The following OR51L1 variants were observed in gnomAD, a reference collection of about 807,000 sequenced individuals.
OR51L1 encodes the protein olfactory receptor 51L1.
OR51L1 carries 1 observed loss-of-function variant against 1.4 expected under a neutral mutation model. That is an observed-to-expected ratio of 0.72 (90% confidence interval 0.26 to 3.42). The LOEUF (loss-of-function observed/expected upper bound fraction) is 3.42. Ranked by LOEUF, OR51L1 falls within the 30% of genes most tolerant of loss-of-function variation. The pLI is 0.20. For synonymous variants in OR51L1, 156 were observed against 144.2 expected, an observed-to-expected ratio of 1.08 and a Z score of -0.59; for missense variants, 378 against 380.0, an observed-to-expected ratio of 0.99 and a Z score of 0.04.
In OR51L1 at chr11:5,004,564, G is replaced by A. The variant is rs952799811; in HGVS notation, c.*4634G>A. ...AAATATTTCTCATTACACGCCTCTG[G>A]TAGAAGAGAGAGAATAATCAAAGAG... On this transcript the variant is annotated 3_prime_UTR_variant, in exon 3 of 3. Transcript: ENST00000641819. 6.6e-6 allele frequency: 1 copy of A among 152,074 alleles called. No individual in the cohort carries two copies. The highest frequency in any genetic ancestry group is 1.5e-5 in the Non-Finnish European group (1 of 68,016). The allele number at this position is 152,074 out of a possible 1,614,324, so 9.4% of individuals were successfully genotyped here.
rs1417510861 is a variant in OR51L1 at position 4,996,722 on chromosome 11, T to TTTCTTTTC, written c.-261-754_-261-753insTCTTCTTT. On this transcript the variant is annotated intron_variant, in intron 1 of 2. Coordinates refer to ENST00000641819, the MANE Select transcript of OR51L1 (RefSeq NM_001004755.2). ...CTTTTCCTTCCTTCCTTTCTTTTCT[T>TTTCTTTTC]TTCTTTCTTTCTTTCTTTCTTTCTT... 2.9e-3 allele frequency among the ~76,000 whole-genome samples: 45 copies of TTTCTTTTC among 15,494 alleles called. 1 individual carries two copies. Among genetic ancestry groups the TTTCTTTTC allele is most frequent in the African/African-American group, 0.013 (42 of 3,126 alleles). 10.2% of individuals were successfully genotyped at this position (15,494 alleles called of 152,430 possible). A position where few individuals can be genotyped will look rare whatever the true frequency, so the allele number is the denominator to read the frequency against.
intron 1 of OR51L1, among the ~76,000 whole-genome samples, chr11:4,996,880 T>A (rs559439458): frequency 1.3e-5 from 2 of 151,934 alleles, no homozygotes; most frequent in East Asian, 1.9e-4. Flanking sequence ...TGAGCTCAAC[T>A]GTACAACAGG....
intron 1 of OR51L1, among the ~76,000 whole-genome samples, chr11:4,996,043 T>C (rs993747381): frequency 2.0e-5 from 3 of 152,080 alleles, no homozygotes; most frequent in Non-Finnish European, 4.4e-5. Context: ...CCACAGTTCA[T>C]AATATTGTAG....
In OR51L1 at chr11:4,999,857, T is replaced by C. The variant is rs1414525043; in HGVS notation, c.875T>C (p.Ile292Thr). 1.2e-6 allele frequency: 2 copies of C among 1,613,902 alleles called. No individual in the cohort carries two copies. The highest frequency in any genetic ancestry group is 1.7e-6 in the Non-Finnish European group (2 of 1,179,954). ...CTTCTTCCCCCAGTCCTTAACCCTATTGTCTATAGTGTCAGAACAAAGCAG... is the reference window on the plus strand; with the variant it reads ...CTTCTTCCCCCAGTCCTTAACCCTACTGTCTATAGTGTCAGAACAAAGCAG... ...YLLLPPVLNPIVYSVRTKQIR... is the reference protein window; with the variant it reads ...YLLLPPVLNPTVYSVRTKQIR... The change falls in exon 3 of 3, where the codon ATT becomes ACT. Residue 292 changes from isoleucine to threonine, a missense_variant. Coordinates refer to ENST00000641819, the MANE Select transcript of OR51L1 (RefSeq NM_001004755.2).
rs759863010 is a variant in OR51L1, at chr11:4,999,590, G to A, written c.608G>A (p.Cys203Tyr). The change falls in exon 3 of 3, where the codon TGT becomes TAT. Residue 203 changes from cysteine (C) to tyrosine (Y), a missense_variant. Cys to Tyr is a radical substitution (Grantham distance 194, BLOSUM62 -2). Coordinates refer to ENST00000641819, the MANE Select transcript of OR51L1 (RefSeq NM_001004755.2). ...DARTNSIYGL[C>Y]VVIATLGVDS... is the part of the protein sequence containing the mutation. The stretch of plus-strand genomic sequence containing the variant: ...AGGACCAACAGTATTTATGGGCTTT[G>A]TGTAGTCATTGCCACACTAGGTGTG... The A allele has an allele frequency of 5.0e-6, 8 of 1,613,822 alleles. No individual in the cohort carries two copies. Among genetic ancestry groups the A allele is most frequent in the Non-Finnish European group, 6.8e-6 (8 of 1,179,974 alleles).
Position 4,999,898 on chromosome 11 carries a change from C to A in OR51L1, c.916C>A (p.Leu306Ile). The A allele has an allele frequency of 6.2e-7, 1 of 1,613,012 alleles. No individual in the cohort carries two copies. The highest frequency in any genetic ancestry group is 8.5e-7 in the Non-Finnish European group (1 of 1,179,412). ...VRTKQIRLGI[L>I]HKFVLRRRF Reference sequence around the variant, plus strand: ...AACAAAGCAGATTCGTCTAGGAATTCTCCACAAGTTTGTCCTAAGGAGGAG... The same window carrying A: ...AACAAAGCAGATTCGTCTAGGAATTATCCACAAGTTTGTCCTAAGGAGGAG... Residue 306 changes from leucine to isoleucine, a missense_variant, in exon 3 of 3, where the codon CTC (leucine) becomes ATC (isoleucine). Leu to Ile is a conservative substitution (Grantham distance 5). Coordinates refer to ENST00000641819, the MANE Select transcript of OR51L1 (RefSeq NM_001004755.2).
In OR51L1 at chr11:4,997,599, T is replaced by G. The variant is rs1006699451; in HGVS notation, c.-160+16T>G. 6.7e-6 allele frequency: 1 copy of G among 149,744 alleles called. No individual in the cohort carries two copies. Among genetic ancestry groups the G allele is most frequent in the African/African-American group, 2.5e-5 (1 of 40,336 alleles). The allele number at this position is 149,744 out of a possible 1,614,324, so 9.3% of individuals were successfully genotyped here. A position where few individuals can be genotyped will look rare whatever the true frequency, so the allele number is the denominator to read the frequency against. On this transcript the variant is annotated intron_variant, in intron 2 of 2. Transcript: ENST00000641819. ...AAGGGACAAGGTAAGTAAATAATTT[T>G]CTCAGGGGCAGTTAATGGAACTAGA...
chr11:4,995,511 C>A (rs963037078), intron 1 of OR51L1, among the ~76,000 whole-genome samples, 176 bp downstream of exon 1: 1 of 152,048 alleles, frequency 6.6e-6, no homozygotes, highest in African/African-American at 2.4e-5. Context: ...ATTGTAATGT[C>A]TTGTTCCAAT....
Position 5,000,117 on chromosome 11 carries a change from T to A in OR51L1, c.*187T>A. On this transcript the variant is annotated 3_prime_UTR_variant, in exon 3 of 3. Coordinates refer to ENST00000641819, the MANE Select transcript of OR51L1 (RefSeq NM_001004755.2). ...ATTTTTTTGGACAAATTGTGACAACTATGGCCTTACGTTGTCCCCAGGTCA... is the reference window on the plus strand; with the variant it reads ...ATTTTTTTGGACAAATTGTGACAACAATGGCCTTACGTTGTCCCCAGGTCA... The A allele has an allele frequency of 3.4e-6, 2 of 596,966 alleles. No homozygotes were observed. Among genetic ancestry groups the A allele is most frequent in the Non-Finnish European group, 5.6e-6 (2 of 357,520 alleles). The allele number at this position is 596,966 out of a possible 1,614,324, so 37.0% of individuals were successfully genotyped here. A position where few individuals can be genotyped will look rare whatever the true frequency, so the allele number is the denominator to read the frequency against.
chr11:4,999,823 A>G lies in OR51L1; in HGVS notation c.841A>G (p.Ile281Val), dbSNP rs141400030. The change falls in exon 3 of 3, where the codon ATC (isoleucine) becomes GTC (valine). Residue 281 changes from isoleucine (I) to valine (V), a missense_variant. Coordinates refer to ENST00000641819, the MANE Select transcript of OR51L1 (RefSeq NM_001004755.2). Reference protein sequence around the residue: ...SPIVHILMADIYLLLPPVLNP... With the variant: ...SPIVHILMADVYLLLPPVLNP... ...CATAGTCCACATCCTCATGGCAGAC[A>G]TCTACCTTCTTCTTCCCCCAGTCCT... 1.9e-6 allele frequency: 3 copies of G among 1,614,030 alleles called. No individual in the cohort carries two copies. The highest frequency in any genetic ancestry group is 2.5e-6 in the Non-Finnish European group (3 of 1,179,984).
intron 1 of OR51L1, among the ~76,000 whole-genome samples, chr11:4,996,534 A>G (rs1282419514): frequency 6.6e-6 from 1 of 152,118 alleles, no homozygotes; most frequent in African/African-American, 2.4e-5. Flanking sequence ...TGTTCTTTGC[A>G]TTCTATGTGA....
chr11:4,999,862 T>C lies in OR51L1; in HGVS notation c.880T>C (p.Tyr294His). Residue 294 changes from tyrosine to histidine, a missense_variant, in exon 3 of 3, where the codon TAT becomes CAT. Physicochemically the swap from Tyr to His is moderately conservative, Grantham distance 83. Coordinates refer to ENST00000641819, the MANE Select transcript of OR51L1 (RefSeq NM_001004755.2). ...LLPPVLNPIV[Y>H]SVRTKQIRLG... is the part of the protein sequence containing the mutation. ...TCCCCCAGTCCTTAACCCTATTGTC[T>C]ATAGTGTCAGAACAAAGCAGATTCG... is the stretch of plus-strand genomic sequence containing the variant. 6.2e-7 allele frequency: 1 copy of C among 1,613,944 alleles called. No individual in the cohort carries two copies. Among genetic ancestry groups the C allele is most frequent in the Non-Finnish European group, 8.5e-7 (1 of 1,179,878 alleles).
chr11:4,999,822 C>T lies in OR51L1; in HGVS notation c.840C>T (p.Asp280=), dbSNP rs767081539. The T allele has an allele frequency of 1.2e-6, 2 of 1,614,024 alleles. No homozygotes were observed. The highest frequency in any genetic ancestry group is 1.7e-6 in the Non-Finnish European group (2 of 1,179,980). Reference sequence around the variant, plus strand: ...CCATAGTCCACATCCTCATGGCAGACATCTACCTTCTTCTTCCCCCAGTCC... The same window carrying T: ...CCATAGTCCACATCCTCATGGCAGATATCTACCTTCTTCTTCCCCCAGTCC... ...LSPIVHILMA[D]IYLLLPPVLN... The change falls in exon 3 of 3, where the codon GAC becomes GAT. Residue 280 remains aspartate (D), a synonymous_variant. Coordinates refer to ENST00000641819, the MANE Select transcript of OR51L1 (RefSeq NM_001004755.2).
At chr11:4,996,778 C>G (rs1031598605) in intron 1 of OR51L1, among the ~76,000 whole-genome samples, 3 of 72,774 alleles carry the variant, frequency 4.1e-5, no homozygotes, top group Non-Finnish European at 6.0e-5. Flanking sequence ...TCATTTCTCT[C>G]TCTCTGTTTC....
Position 4,998,930 on chromosome 11 carries a change from G to T in OR51L1, c.-53G>T. ...CAAAAGAGATAACTTTGAGGGATCA[G>T]GAAGGAAAACACGAACCATTCCTCA... is the stretch of plus-strand genomic sequence containing the variant. On this transcript the variant is annotated 5_prime_UTR_variant, in exon 3 of 3. The change creates a new upstream start codon in the 5' untranslated region. Transcript: ENST00000641819. 2.6e-6 allele frequency: 4 copies of T among 1,564,830 alleles called. No individual in the cohort carries two copies. Among genetic ancestry groups the T allele is most frequent in the Non-Finnish European group, 3.5e-6 (4 of 1,153,476 alleles).
rs1847110456 is a variant in OR51L1 at position 4,999,714 on chromosome 11, A to C, written c.732A>C (p.Val244=). The C allele has an allele frequency of 6.2e-7, 1 of 1,614,040 alleles. No homozygotes were observed. Among genetic ancestry groups the C allele is most frequent in the East Asian group, 2.2e-5 (1 of 44,876 alleles). ...AGCTAAAGGCACTCAACACATGTGT[A>C]TCCCATATCTGTGTGGTGCTTATCT... ...EEQLKALNTC[V]SHICVVLIFF... The change falls in exon 3 of 3, where the codon GTA becomes GTC. Residue 244 remains valine (V), a synonymous_variant. Coordinates refer to ENST00000641819, the MANE Select transcript of OR51L1 (RefSeq NM_001004755.2).
chr11:5,004,533 A>G lies in OR51L1; in HGVS notation c.*4603A>G, dbSNP rs1163674420. On this transcript the variant is annotated 3_prime_UTR_variant, in exon 3 of 3. Transcript: ENST00000641819. ...ATTGTTGAAATTTGATAGGATGAGT[A>G]TTACTAAATATTTCTCATTACACGC... The G allele has an allele frequency of 1.3e-5, 2 of 152,122 alleles. No homozygotes were observed. The highest frequency in any genetic ancestry group is 1.9e-4 in the East Asian group (1 of 5,194). 9.4% of individuals were successfully genotyped at this position (152,122 alleles called of 1,614,324 possible).
chr11:5,003,033 C>T lies in OR51L1; in HGVS notation c.*3103C>T, dbSNP rs1847145460. The T allele has an allele frequency of 6.6e-6, 1 of 152,060 alleles. No homozygotes were observed. The highest frequency in any genetic ancestry group is 2.4e-5 in the African/African-American group (1 of 41,394). 9.4% of individuals were successfully genotyped at this position (152,060 alleles called of 1,614,324 possible). A position where few individuals can be genotyped will look rare whatever the true frequency, so the allele number is the denominator to read the frequency against. ...GCAGCAACCTCAATTTTTGCCTCCT[C>T]AGAAGAAAGAAATTGACTGAGGGGC... On this transcript the variant is annotated 3_prime_UTR_variant, in exon 3 of 3. Transcript: ENST00000641819.
chr11:4,997,018 G>A (rs1046861137), intron 1 of OR51L1, among the ~76,000 whole-genome samples: 2 of 152,034 alleles, frequency 1.3e-5, no homozygotes, highest in Non-Finnish European at 2.9e-5. Context: ...ACTCTGCTGG[G>A]TGTGAAGAAT....
Sources: gnomAD v4.1 joint callset for allele counts (sites outside exome capture counted in the v4.1 genomes callset) on GRCh38, gnomAD v4.1.1 for gene constraint, MANE v1.5 for transcripts, NCBI Gene and HGNC (gene_info 2026-07-23, HGNC 2026-07-21) for gene names.